Variants in KCNMA1 observed in about 807,000 individuals in gnomAD.
The protein encoded by KCNMA1 is potassium calcium-activated channel subfamily M alpha 1.
KCNMA1 carries 29 observed loss-of-function variants against 140.0 expected under a neutral mutation model. The ratio of observed to expected loss-of-function variants is 0.21; its 90% CI spans 0.15 to 0.28. The LOEUF is 0.28. Among genes scored for constraint, KCNMA1 ranks in the 10% least tolerant of loss-of-function variants. The pLI is 1.00. For missense variants in KCNMA1, 880 were observed against 1,602.2 expected (o/e 0.55, Z 7.70); for synonymous variants, 612 against 611.9 (o/e 1.00, Z 0.00).
At chr10:77,524,354 T>A (rs1395184443) in intron 1 of KCNMA1, among the ~76,000 whole-genome samples, 1 of 152,164 alleles carries the variant, frequency 6.6e-6, no homozygotes, top group Admixed American at 6.5e-5. Context: ...AAACTTTCCA[T>A]CCCCACGGTA....
At chr10:76,931,868 T>C (rs2059376859) in intron 23 of KCNMA1, among the ~76,000 whole-genome samples, 1 of 152,226 alleles carries the variant, frequency 6.6e-6, no homozygotes, top group Admixed American at 6.5e-5. Flanking sequence ...TCTATCATCA[T>C]CTATTTTCTA....
At chr10:77,606,085 C>T (rs1248341602) in intron 1 of KCNMA1, among the ~76,000 whole-genome samples, 1 of 152,232 alleles carries the variant, frequency 6.6e-6, no homozygotes, top group Non-Finnish European at 1.5e-5. Flanking sequence ...AGACCCATGG[C>T]TCAGGCTCTG....
At chr10:77,085,923 T>C (rs187538261) in intron 11 of KCNMA1, among the ~76,000 whole-genome samples, 94 of 152,324 alleles carry the variant, frequency 6.2e-4, no homozygotes, top group Non-Finnish European at 9.0e-4. Flanking sequence ...ATGAGAAGAT[T>C]CTAAATTACC....
At chr10:77,430,943 A>T (rs1237008050) in intron 1 of KCNMA1, among the ~76,000 whole-genome samples, 1 of 152,120 alleles carries the variant, frequency 6.6e-6, no homozygotes, top group Admixed American at 6.5e-5. Flanking sequence ...CAACACAATA[A>T]AGCCTCCCCA....
intron 17 of KCNMA1, among the ~76,000 whole-genome samples, chr10:77,014,984 G>A (rs1160261765): frequency 1.3e-5 from 2 of 151,952 alleles, no homozygotes; most frequent in Admixed American, 1.3e-4. Context: ...GGATTTCAGG[G>A]GCCTTTTCCA....
At chr10:77,256,826 A>G (rs1018623316) in intron 2 of KCNMA1, among the ~76,000 whole-genome samples, 2 of 152,190 alleles carry the variant, frequency 1.3e-5, no homozygotes, top group Non-Finnish European at 2.9e-5. Context: ...TATAATTTAC[A>G]TATAATAAAA....
intron 1 of KCNMA1, among the ~76,000 whole-genome samples, chr10:77,438,662 G>A (rs937445672): frequency 6.6e-6 from 1 of 152,052 alleles, no homozygotes; most frequent in Non-Finnish European, 1.5e-5. Flanking sequence ...AGGAAACTGA[G>A]GCTCAGAGAC....
chr10:76,874,943 T>C (rs1372724621), downstream of KCNMA1: 2 of 152,230 alleles, frequency 1.3e-5, no homozygotes, highest in Non-Finnish European at 2.9e-5. Context: ...ATGGCTTTTC[T>C]GGAGCCCTAA....
chr10:76,915,931 G>A (rs1262105352), intron 23 of KCNMA1, among the ~76,000 whole-genome samples: 1 of 151,978 alleles, frequency 6.6e-6, no homozygotes, highest in African/African-American at 2.4e-5. Flanking sequence ...TGAATGACAG[G>A]AAGAGCTGTC....
intron 2 of KCNMA1, among the ~76,000 whole-genome samples, chr10:77,263,667 C>T (rs758105510): frequency 7.2e-5 from 11 of 152,178 alleles, no homozygotes; most frequent in Non-Finnish European, 1.6e-4. Context: ...GAAAGCAATG[C>T]CATCTAAGCC....
intron 1 of KCNMA1, among the ~76,000 whole-genome samples, chr10:77,478,211 A>G (rs564444713): frequency 6.6e-6 from 1 of 152,360 alleles, no homozygotes; most frequent in East Asian, 1.9e-4. Context: ...TGTGGCAAAG[A>G]GTCTGTACTG....
chr10:77,367,889 CT>C (rs1428276594), intron 2 of KCNMA1, among the ~76,000 whole-genome samples: 1 of 152,134 alleles, frequency 6.6e-6, no homozygotes, highest in Non-Finnish European at 1.5e-5. Context: ...ATAGTTCATT[CT>C]TTTTTGCTAC....
chr10:76,963,802 T>C (rs557919433), intron 20 of KCNMA1, among the ~76,000 whole-genome samples: 2 of 152,326 alleles, frequency 1.3e-5, no homozygotes, highest in African/African-American at 4.8e-5. Context: ...CAATTCAGTG[T>C]TCTACCCTTC....
chr10:77,402,197 A>G (rs553028635), intron 2 of KCNMA1, among the ~76,000 whole-genome samples: 1 of 152,164 alleles, frequency 6.6e-6, no homozygotes, highest in African/African-American at 2.4e-5. Context: ...TAAGTTTCCA[A>G]TGCAGAATCC....
At chr10:77,401,434 T>C (rs35808) in intron 2 of KCNMA1, among the ~76,000 whole-genome samples, 145,340 of 152,230 alleles carry the variant, frequency 0.95, 69,750 homozygotes, top group African/African-American at 0.99. Flanking sequence ...GGATTACAGG[T>C]GTAAGCCACC....
chr10:77,498,653 ATTC>A (rs2042760373), intron 1 of KCNMA1: 1 of 152,254 alleles, frequency 6.6e-6, no homozygotes, highest in Admixed American at 6.5e-5. Flanking sequence ...CGAGAGTAGC[ATTC>A]TATGGGCAAT....
intron 2 of KCNMA1, among the ~76,000 whole-genome samples, chr10:77,286,877 A>G (rs2071156427): frequency 6.6e-6 from 1 of 151,924 alleles, no homozygotes; most frequent in Non-Finnish European, 1.5e-5. Flanking sequence ...ATCTCTGTCC[A>G]TAAATGCCTT....
In KCNMA1 at chr10:77,637,661, G is replaced by C. The variant is rs1238802117; in HGVS notation, c.-19C>G. Reference sequence around the variant, plus strand: ...TTGCCATAGCTAGCAACGGGCAGCCGGCGCAGGGGCTCGGGGGAGCTCCTC... The same window carrying C: ...TTGCCATAGCTAGCAACGGGCAGCCCGCGCAGGGGCTCGGGGGAGCTCCTC... On this transcript the variant is annotated 5_prime_UTR_variant, in exon 1 of 28. Coordinates refer to ENST00000286628, the MANE Select transcript of KCNMA1 (RefSeq NM_001161352.2). The C allele has an allele frequency of 4.0e-6, 6 of 1,491,732 alleles. No homozygotes were observed. The Admixed American group carries it at 1.1e-4, about 27-fold the overall frequency. The allele number at this position is 1,491,732 out of a possible 1,614,324, so 92.4% of individuals were successfully genotyped here. A position where few individuals can be genotyped will look rare whatever the true frequency, so the allele number is the denominator to read the frequency against.
At chr10:77,596,385 A>T (rs2154565652) in intron 1 of KCNMA1, among the ~76,000 whole-genome samples, 1 of 152,360 alleles carries the variant, frequency 6.6e-6, no homozygotes, top group South Asian at 2.1e-4. Context: ...CATACACAAG[A>T]TTATTCATTG....
Sources: gnomAD v4.1 joint callset for allele counts (sites outside exome capture counted in the v4.1 genomes callset) on GRCh38, gnomAD v4.1.1 for gene constraint, MANE v1.5 for transcripts, NCBI Gene and HGNC (gene_info 2026-07-23, HGNC 2026-07-21) for gene names.